CFAP65: variants seen among roughly 807,000 people sequenced by gnomAD.
The protein encoded by CFAP65 is cilia and flagella associated protein 65.
In CFAP65, 155 loss-of-function variants were observed where a neutral mutation model predicts 208.0. That is an observed-to-expected ratio of 0.75 (90% CI 0.65 to 0.85). The LOEUF (loss-of-function observed/expected upper bound fraction) is 0.85, where lower values mean the gene tolerates loss of function less well. Ranked by LOEUF, CFAP65 falls within the 40% of genes least tolerant of loss-of-function variation. The pLI is 0.00. For missense variants in CFAP65, 2,294 were observed against 2,451.3 expected, an observed-to-expected ratio of 0.94 and a Z score of 1.36; for synonymous variants, 970 against 986.3, an observed-to-expected ratio of 0.98 and a Z score of 0.31.
At chr2:219,007,077 A>G (rs1275052188) in intron 29 of CFAP65, among the ~76,000 whole-genome samples, 1 of 152,120 alleles carries the variant, frequency 6.6e-6, no homozygotes, top group Non-Finnish European at 1.5e-5. Flanking sequence ...CAGTGAGATG[A>G]GAAATCAGTC....
At position 219,038,435 on chromosome 2, in the gene CFAP65, G is replaced by A. The variant is rs1185894655; in HGVS notation, c.297C>T (p.Ala99=). The change falls in exon 4 of 35, where the codon GCC becomes GCT. Residue 99 remains alanine (A), a synonymous_variant. Coordinates refer to ENST00000341552, the MANE Select transcript of CFAP65 (RefSeq NM_194302.4). The stretch of plus-strand genomic sequence containing the variant: ...CACTGCTGTCGTTGATGGCAGGGAT[G>A]GCCACTGTGCTGGCACTCAGGCAGG... ...GGSCLSASTV[A]IPAINDSSAA... is the part of the protein sequence containing the mutation. 2.0e-5 allele frequency: 32 copies of A among 1,613,812 alleles called. No homozygotes were observed. Among genetic ancestry groups the A allele is most frequent in the Non-Finnish European group, 2.6e-5 (31 of 1,180,032 alleles).
Position 219,026,160 on chromosome 2 carries a change from C to G in CFAP65, c.2212-1G>C. On this transcript the variant is annotated splice_acceptor_variant, in intron 13 of 34. Transcript: ENST00000341552. LOFTEE classifies it high-confidence loss of function. ...CAATATTACTGTAGCTCTGCAGGAC[C>G]TGCAGAGGGGCCAGACCCACGGAAA... is the stretch of plus-strand genomic sequence containing the variant. The G allele has an allele frequency of 6.2e-7, 1 of 1,609,798 alleles. No individual in the cohort carries two copies.
At position 219,010,529 on chromosome 2, in the gene CFAP65, A is replaced by G. The variant is rs373650575; in HGVS notation, c.4308+17T>C. 44 of 1,603,050 alleles carry G rather than the reference A, an allele frequency of 2.7e-5. No individual in the cohort carries two copies. Among genetic ancestry groups the G allele is most frequent in the Admixed American group, 8.6e-5 (5 of 57,834 alleles). Reference sequence around the variant, plus strand: ...CTCCCACAAGGCCTCAGGCCTTCCTAGCTCCCCTTTCCCCACCTGTCCAGG... The same window carrying G: ...CTCCCACAAGGCCTCAGGCCTTCCTGGCTCCCCTTTCCCCACCTGTCCAGG... On this transcript the variant is annotated intron_variant, in intron 26 of 34. Coordinates refer to ENST00000341552, the MANE Select transcript of CFAP65 (RefSeq NM_194302.4).
chr2:219,025,933 C>T lies in CFAP65; in HGVS notation c.2349+89G>A. The T allele has an allele frequency of 2.7e-6, 4 of 1,500,202 alleles. No individual in the cohort carries two copies. The South Asian group carries it at 4.7e-5, about 18-fold the overall frequency. The allele number at this position is 1,500,202 out of a possible 1,614,324, so 92.9% of individuals were successfully genotyped here. On this transcript the variant is annotated intron_variant, in intron 14 of 34. Transcript: ENST00000341552. ...AGGGTGCAAAGATGTGTTTCTGAGG[C>T]CATCAGAGAATGGGAGAGGGATCTG...
chr2:219,011,965 T>C (rs1462275585), intron 24 of CFAP65, among the ~76,000 whole-genome samples: 1 of 152,200 alleles, frequency 6.6e-6, no homozygotes, highest in East Asian at 1.9e-4. Flanking sequence ...GGCGGAGCCC[T>C]CACAAGTGGG....
intron 19 of CFAP65, 139 bp from the exon 20 acceptor site, chr2:219,019,858 T>C (rs1947163400): frequency 1.5e-6 from 1 of 655,252 alleles, no homozygotes; most frequent in African/African-American, 1.8e-5. Context: ...TCTCGGGCTC[T>C]AGGGCATTTC....
intron 9 of CFAP65, among the ~76,000 whole-genome samples, 188 bp downstream of exon 9, chr2:219,030,501 G>A (rs1947942904): frequency 6.6e-6 from 1 of 152,252 alleles, no homozygotes. Context: ...GCTCTGGGGA[G>A]CCAGGGTATA....
At chr2:219,027,226 T>C in intron 13 of CFAP65, 1 of 1,314,852 alleles carries the variant, frequency 7.6e-7, no homozygotes, top group Non-Finnish European at 9.7e-7. Context: ...AGAAGCCCTT[T>C]CCATCACAAT....
At chr2:219,012,875 T>C (rs1306545139) in intron 24 of CFAP65, among the ~76,000 whole-genome samples, 2 of 152,254 alleles carry the variant, frequency 1.3e-5, no homozygotes, top group African/African-American at 4.8e-5. Context: ...ACTTTGCATG[T>C]AGTAGTATAA....
intron 4 of CFAP65, among the ~76,000 whole-genome samples, chr2:219,037,307 G>A (rs969649353): frequency 5.9e-5 from 9 of 152,322 alleles, no homozygotes; most frequent in Non-Finnish European, 1.2e-4. Flanking sequence ...CAGCAGAATC[G>A]CTTAAACCCC....
intron 13 of CFAP65, chr2:219,027,277 G>C (rs1250810590): frequency 1.3e-5 from 18 of 1,375,464 alleles, no homozygotes; most frequent in Non-Finnish European, 1.5e-5. Context: ...CCAGCTTCCT[G>C]CCCGCTCAAA....
intron 4 of CFAP65, among the ~76,000 whole-genome samples, chr2:219,037,080 T>C (rs1179639753): frequency 6.6e-6 from 1 of 152,172 alleles, no homozygotes; most frequent in East Asian, 1.9e-4. Context: ...CGGAAGCCAC[T>C]CTGAATGTTT....
chr2:219,039,436 G>A (rs1239416492), intron 2 of CFAP65, among the ~76,000 whole-genome samples: 4 of 152,140 alleles, frequency 2.6e-5, no homozygotes, highest in Non-Finnish European at 5.9e-5. Context: ...GCCCCACTCA[G>A]GCACATGTGG....
intron 29 of CFAP65, among the ~76,000 whole-genome samples, chr2:219,008,031 C>T (rs1463388217): frequency 6.6e-6 from 1 of 152,070 alleles, no homozygotes; most frequent in African/African-American, 2.4e-5. Context: ...GTTGGCCAGG[C>T]TGGACTTGAA....
At chr2:219,016,717 C>T (rs1946910752) in intron 21 of CFAP65, among the ~76,000 whole-genome samples, 1 of 152,196 alleles carries the variant, frequency 6.6e-6, no homozygotes, top group Admixed American at 6.5e-5. Context: ...CCCCTTGCCT[C>T]AAGCTGCTAA....
chr2:219,037,588 C>T (rs1283375552), intron 4 of CFAP65, among the ~76,000 whole-genome samples: 1 of 152,170 alleles, frequency 6.6e-6, no homozygotes, highest in African/African-American at 2.4e-5. Context: ...GACAGAGACA[C>T]TGTGTACAAC....
chr2:219,017,373 C>A (rs1946967913), intron 21 of CFAP65, among the ~76,000 whole-genome samples: 4 of 152,308 alleles, frequency 2.6e-5, no homozygotes, highest in Admixed American at 2.6e-4. Context: ...CCCTGGAGCT[C>A]CCCCTCCCAC....
rs1422106874 is a variant in CFAP65, at chr2:219,003,434, G to T, written c.5556-162C>A. On this transcript the variant is annotated intron_variant, in intron 33 of 34. Transcript: ENST00000341552. The surrounding 1 kb of genome is among the most constrained non-coding windows in gnomAD (Gnocchi z 4.4). The stretch of plus-strand genomic sequence containing the variant: ...GCATTCTTGTTTCAATGTTACGGAC[G>T]TTCCAAGTGTGGCTAAAAGATTCCA... Among the ~76,000 whole-genome samples, 22 of 152,228 alleles carry T rather than the reference G, an allele frequency of 1.4e-4. No individual in the cohort carries two copies.
intron 14 of CFAP65, 134 bp from the exon 15 acceptor site, chr2:219,024,394 G>T: frequency 1.9e-6 from 2 of 1,032,258 alleles, no homozygotes; most frequent in Non-Finnish European, 1.3e-6. Flanking sequence ...CCCAGTCAAC[G>T]CCCTGGGAAC....
Sources: allele counts gnomAD v4.1 joint callset (sites outside exome capture counted in the v4.1 genomes callset), GRCh38; gene constraint gnomAD v4.1.1; non-coding constraint Gnocchi (gnomAD v3.1); transcripts MANE v1.5; gene names NCBI Gene and HGNC (gene_info 2026-07-23, HGNC 2026-07-21).